MRC1: variants seen among roughly 807,000 people sequenced by gnomAD.
The protein encoded by MRC1 is mannose receptor C-type 1, also known as macrophage mannose receptor 1.
In MRC1, 62 loss-of-function variants were observed where a neutral mutation model predicts 102.9. The observed-to-expected ratio is 0.60, with a 90% CI of 0.49 to 0.74. The LOEUF is 0.74. Among genes scored for constraint, MRC1 ranks in the 30% least tolerant of loss-of-function variants. The pLI, the probability that MRC1 is intolerant of heterozygous loss-of-function variation, is 0.00. For missense variants in MRC1, 1,237 were observed against 862.8 expected (o/e 1.43, Z -5.43); for synonymous variants, 457 against 298.4 (o/e 1.53, Z -5.48).
intron 1 of MRC1, among the ~76,000 whole-genome samples, chr10:17,814,422 A>G (rs76692859): frequency 0.3 from 45,494 of 152,094 alleles, 7,005 homozygotes; most frequent in South Asian, 0.39. Flanking sequence ...AGATGCAGAT[A>G]ATATGCTGGG....
intron 12 of MRC1, among the ~76,000 whole-genome samples, chr10:17,868,693 G>A (rs1259261620): frequency 1.3e-5 from 2 of 152,170 alleles, no homozygotes; most frequent in Non-Finnish European, 2.9e-5. Flanking sequence ...GGCAAGACTG[G>A]TGAGGAATTT....
intron 4 of MRC1, among the ~76,000 whole-genome samples, chr10:17,834,373 C>G (rs1166437294): frequency 6.6e-6 from 1 of 152,140 alleles, no homozygotes; most frequent in African/African-American, 2.4e-5. Flanking sequence ...ACTCTTTCCA[C>G]AATGTGTTTG....
chr10:17,902,019 G>A lies in MRC1; in HGVS notation c.3696G>A (p.Glu1232=). 1 of 780,810 alleles carries A rather than the reference G, an allele frequency of 1.3e-6. No individual in the cohort carries two copies. The highest frequency in any genetic ancestry group is 1.7e-5 in the African/African-American group (1 of 59,232). 48.4% of individuals were successfully genotyped at this position (780,810 alleles called of 1,614,324 possible). A position where few individuals can be genotyped will look rare whatever the true frequency, so the allele number is the denominator to read the frequency against. The change falls in exon 26 of 30, where the codon GAG becomes GAA. Residue 1232 remains glutamate (E), a synonymous_variant. Transcript: ENST00000569591. The part of the protein sequence containing the change: ...EPPQLPGRCP[E]SDHTAWIPFH... ...CACAACTGCCTGGCAGATGCCCGGA[G>A]TCAGATCACACAGCATGGATTCCTT...
chr10:17,876,396 C>T lies in MRC1; in HGVS notation c.2550+1143C>T, dbSNP rs1037155089. Among the ~76,000 whole-genome samples, 696 of 152,110 alleles carry T rather than the reference C, an allele frequency of 4.6e-3. 8 individuals are homozygous for T. The highest frequency in any genetic ancestry group is 3.9e-3 in the Non-Finnish European group (262 of 67,990). ...CTGAGTAGCTGGGACTACAGGCGCACACCACCATGCCTGGCTAATTTTTGT... is the reference window on the plus strand; with the variant it reads ...CTGAGTAGCTGGGACTACAGGCGCATACCACCATGCCTGGCTAATTTTTGT... On this transcript the variant is annotated intron_variant, in intron 17 of 29. Coordinates refer to ENST00000569591, the MANE Select transcript of MRC1 (RefSeq NM_002438.4).
At chr10:17,847,243 T>C (rs1311031271) in intron 6 of MRC1, among the ~76,000 whole-genome samples, 1 of 152,260 alleles carries the variant, frequency 6.6e-6, no homozygotes, top group African/African-American at 2.4e-5. Flanking sequence ...AGTTACTTTA[T>C]AGTTTCTCTG....
At chr10:17,889,748 C>T (rs967888899) in intron 22 of MRC1, among the ~76,000 whole-genome samples, 1 of 152,166 alleles carries the variant, frequency 6.6e-6, no homozygotes, top group African/African-American at 2.4e-5. Context: ...TCACCAAATA[C>T]GTTATCACCA....
Position 17,910,636 on chromosome 10 carries a change from A to C in MRC1, c.*171A>C, listed in dbSNP as rs1393202896. 1 of 677,222 alleles carries C rather than the reference A, an allele frequency of 1.5e-6. No homozygotes were observed. The highest frequency in any genetic ancestry group is 1.8e-5 in the African/African-American group (1 of 55,676). 42.0% of individuals were successfully genotyped at this position (677,222 alleles called of 1,614,324 possible). On this transcript the variant is annotated 3_prime_UTR_variant, in exon 30 of 30. Coordinates refer to ENST00000569591, the MANE Select transcript of MRC1 (RefSeq NM_002438.4). ...ATTGCTTGTTTTCTAGCCTGGCAAG[A>C]TATTTTCATAAAAGAGGGATAACAA...
chr10:17,907,864 T>G (rs1283605998), intron 28 of MRC1, among the ~76,000 whole-genome samples, 166 bp downstream of exon 28: 1 of 152,248 alleles, frequency 6.6e-6, no homozygotes, highest in Non-Finnish European at 1.5e-5. Flanking sequence ...TGTTTGCAGC[T>G]CTGCGTGAGT....
intron 3 of MRC1, among the ~76,000 whole-genome samples, chr10:17,830,653 A>G (rs1290970576): frequency 6.6e-6 from 1 of 151,346 alleles, no homozygotes. Flanking sequence ...TTTAGCTTCC[A>G]GCATCAGTTG....
intron 25 of MRC1, among the ~76,000 whole-genome samples, chr10:17,901,581 C>T (rs1025653281): frequency 0.01 from 1,585 of 151,906 alleles, 12 homozygotes; most frequent in Non-Finnish European, 0.014. Context: ...CCCAGCTACT[C>T]GGGAGGCTGA....
At chr10:17,898,587 T>C (rs1247192372) in intron 24 of MRC1, among the ~76,000 whole-genome samples, 1 of 152,200 alleles carries the variant, frequency 6.6e-6, no homozygotes, top group Non-Finnish European at 1.5e-5. Flanking sequence ...GTCATGATTG[T>C]AACTATGGCA....
rs1010783514 is a variant in MRC1 at position 17,832,402 on chromosome 10, A to C, written c.638-1273A>C. 1.2e-4 allele frequency among the ~76,000 whole-genome samples: 18 copies of C among 150,240 alleles called. No homozygotes were observed. In the East Asian group the frequency reaches 3.6e-3, roughly 30 times the overall value. ...AAACCCCGTCTCTACTAAAAATACAAAAATTAGCCGGGCGTGGCGGCGTGT... is the reference window on the plus strand; with the variant it reads ...AAACCCCGTCTCTACTAAAAATACACAAATTAGCCGGGCGTGGCGGCGTGT... On this transcript the variant is annotated intron_variant, in intron 3 of 29. Transcript: ENST00000569591.
intron 21 of MRC1, among the ~76,000 whole-genome samples, chr10:17,884,333 A>G (rs1199193494): frequency 1.8e-4 from 27 of 152,314 alleles, no homozygotes; most frequent in Middle Eastern, 3.4e-3. Context: ...TATATGGGCA[A>G]CTGATCTCAG....
At position 17,900,810 on chromosome 10, in the gene MRC1, C is replaced by T; in HGVS notation, c.3506C>T (p.Thr1169Ile). 2 of 780,722 alleles carry T rather than the reference C, an allele frequency of 2.6e-6. No individual in the cohort carries two copies. Among genetic ancestry groups the T allele is most frequent in the East Asian group, 4.9e-5 (2 of 41,222 alleles). 48.4% of individuals were successfully genotyped at this position (780,722 alleles called of 1,614,324 possible). Reference protein sequence around the residue: ...SNLTDNQYTWTDKWRVRYTNW... With the variant: ...SNLTDNQYTWIDKWRVRYTNW... Reference sequence around the variant, plus strand: ...CAGACTGATAATCAATACACTTGGACTGATAAGTGGAGGGTGAGGTACACT... The same window carrying T: ...CAGACTGATAATCAATACACTTGGATTGATAAGTGGAGGGTGAGGTACACT... The change falls in exon 25 of 30, where the codon ACT becomes ATT. Residue 1169 changes from threonine to isoleucine, a missense_variant. Thr to Ile is a moderately conservative substitution (Grantham distance 89, BLOSUM62 -1). Transcript: ENST00000569591.
intron 12 of MRC1, 42 bp downstream of exon 12, chr10:17,866,803 G>A: frequency 1.3e-6 from 1 of 780,748 alleles, no homozygotes; most frequent in South Asian, 1.3e-5. Context: ...TCTGGAGTAT[G>A]CTTCAGCCTA....
At chr10:17,893,450 C>T (rs1833709684) in intron 22 of MRC1, among the ~76,000 whole-genome samples, 1 of 152,160 alleles carries the variant, frequency 6.6e-6, no homozygotes, top group African/African-American at 2.4e-5. Context: ...AGCCACTGTG[C>T]CTGGCCTTCT....
chr10:17,845,745 C>T (rs1221052765), intron 6 of MRC1, among the ~76,000 whole-genome samples: 2 of 152,066 alleles, frequency 1.3e-5, no homozygotes, highest in African/African-American at 4.8e-5. Context: ...GATACAGAAA[C>T]CTTGCAGACA....
intron 1 of MRC1, among the ~76,000 whole-genome samples, chr10:17,814,654 G>A (rs1038836120): frequency 6.1e-5 from 9 of 148,134 alleles, no homozygotes; most frequent in South Asian, 2.2e-4. Flanking sequence ...CTGCAGTTCC[G>A]TGTTCTCGGT....
intron 1 of MRC1, among the ~76,000 whole-genome samples, chr10:17,817,351 G>A (rs1054660807): frequency 6.0e-5 from 9 of 151,004 alleles, no homozygotes; most frequent in Non-Finnish European, 1.3e-4. Flanking sequence ...CTTATTGCAT[G>A]TTACTGGATG....
Sources: allele counts gnomAD v4.1 joint callset (sites outside exome capture counted in the v4.1 genomes callset), GRCh38; gene constraint gnomAD v4.1.1; transcripts MANE v1.5; gene names NCBI Gene and HGNC (gene_info 2026-07-23, HGNC 2026-07-21).